The following ZBTB7C variants were observed in gnomAD, a reference collection of about 807,000 sequenced individuals.
ZBTB7C encodes the protein zinc finger and BTB domain-containing protein 7C.
A neutral mutation model predicts 25.7 loss-of-function variants in ZBTB7C; 8 were observed. The observed-to-expected ratio is 0.31, with a 90% CI of 0.18 to 0.56. ZBTB7C has a LOEUF of 0.56. Among genes scored for constraint, ZBTB7C ranks in the 20% least tolerant of loss-of-function variants. ZBTB7C has a pLI of 0.91. For missense variants in ZBTB7C, 824 were observed against 855.2 expected, an observed-to-expected ratio of 0.96 and a Z score of 0.46; for synonymous variants, 394 against 369.0, an observed-to-expected ratio of 1.07 and a Z score of -0.78.
intron 2 of ZBTB7C, among the ~76,000 whole-genome samples, chr18:48,191,157 G>A (rs2042184786): frequency 2.0e-5 from 3 of 152,152 alleles, no homozygotes; most frequent in African/African-American, 2.4e-5. Flanking sequence ...GGGTAGGAAC[G>A]GGCTGTGCTT....
intron 1 of ZBTB7C, among the ~76,000 whole-genome samples, chr18:48,343,372 CA>C (rs2046649860): frequency 6.6e-6 from 1 of 152,154 alleles, no homozygotes; most frequent in Non-Finnish European, 1.5e-5. Context: ...TGTCCCTGGG[CA>C]AATTCCTGCC....
intron 1 of ZBTB7C, among the ~76,000 whole-genome samples, chr18:48,341,975 AGGGCCATTGT>A (rs1232629183): frequency 1.3e-5 from 2 of 152,330 alleles, no homozygotes; most frequent in East Asian, 3.9e-4. Flanking sequence ...AAGGTCCATC[AGGGCCATTGT>A]GGGGCTCAGG....
chr18:48,085,413 T>A (rs1294763897), intron 3 of ZBTB7C, among the ~76,000 whole-genome samples: 2 of 152,144 alleles, frequency 1.3e-5, no homozygotes, highest in Non-Finnish European at 2.9e-5. Flanking sequence ...TAAGACATGA[T>A]TTTTTTCTGC....
chr18:48,144,504 T>C (rs1480157862), intron 3 of ZBTB7C, among the ~76,000 whole-genome samples: 1 of 151,830 alleles, frequency 6.6e-6, no homozygotes, highest in African/African-American at 2.4e-5. Flanking sequence ...CCACCATGCC[T>C]GGCTAATTTT....
At chr18:48,135,969 C>T (rs1416216722) in intron 3 of ZBTB7C, among the ~76,000 whole-genome samples, 2 of 152,206 alleles carry the variant, frequency 1.3e-5, no homozygotes, top group Non-Finnish European at 1.5e-5. Context: ...CGCCTGCCGG[C>T]ACAGACACAG....
At chr18:48,089,033 C>CT (rs2144536749) in intron 3 of ZBTB7C, among the ~76,000 whole-genome samples, 1 of 152,236 alleles carries the variant, frequency 6.6e-6, no homozygotes, top group Admixed American at 6.5e-5. Flanking sequence ...TGCATGCACC[C>CT]TCCCTGAGCC....
At chr18:48,133,336 C>T (rs974967888) in intron 3 of ZBTB7C, among the ~76,000 whole-genome samples, 1 of 152,172 alleles carries the variant, frequency 6.6e-6, no homozygotes. Flanking sequence ...ATGGAGGGGG[C>T]CTTCCAAATG....
chr18:48,320,315 C>A (rs2046058984), intron 2 of ZBTB7C, among the ~76,000 whole-genome samples: 1 of 152,112 alleles, frequency 6.6e-6, no homozygotes, highest in African/African-American at 2.4e-5. Flanking sequence ...TGGAACAGGT[C>A]ATTTGATTCT....
chr18:48,136,315 G>A (rs1217301922), intron 3 of ZBTB7C, among the ~76,000 whole-genome samples: 1 of 152,208 alleles, frequency 6.6e-6, no homozygotes, highest in East Asian at 1.9e-4. Context: ...TCGGGTGGGA[G>A]TGCTCCCCAT....
intron 2 of ZBTB7C, among the ~76,000 whole-genome samples, chr18:48,228,822 C>T (rs1175377539): frequency 4.6e-5 from 7 of 151,904 alleles, no homozygotes; most frequent in Non-Finnish European, 8.8e-5. Context: ...TGCACCCTTA[C>T]GCCCCCACTT....
chr18:48,073,819 C>T (rs2037649734), intron 3 of ZBTB7C, among the ~76,000 whole-genome samples: 1 of 152,090 alleles, frequency 6.6e-6, no homozygotes, highest in African/African-American at 2.4e-5. Context: ...GCCCTTGCTC[C>T]CCGAGTTTCT....
intron 3 of ZBTB7C, among the ~76,000 whole-genome samples, chr18:48,140,267 G>A (rs969637032): frequency 1.3e-5 from 2 of 152,220 alleles, no homozygotes; most frequent in African/African-American, 2.4e-5. Context: ...CTGCACACAC[G>A]TGCATAAAGA....
intron 2 of ZBTB7C, among the ~76,000 whole-genome samples, chr18:48,326,049 T>C (rs2046210931): frequency 6.6e-6 from 1 of 151,806 alleles, no homozygotes; most frequent in Non-Finnish European, 1.5e-5. Flanking sequence ...GGGAACAAAG[T>C]CTTGTTCACT....
At chr18:48,340,771 C>T (rs1270617416) in intron 1 of ZBTB7C, among the ~76,000 whole-genome samples, 5 of 152,226 alleles carry the variant, frequency 3.3e-5, no homozygotes. Flanking sequence ...ATTATCTGTG[C>T]TGTCAGCAAA....
intron 2 of ZBTB7C, among the ~76,000 whole-genome samples, chr18:48,288,377 C>T (rs919681428): frequency 4.6e-5 from 7 of 151,966 alleles, no homozygotes; most frequent in Admixed American, 1.3e-4. Flanking sequence ...GGCTGGGCAC[C>T]GTGGCTCACG....
chr18:48,182,597 T>G (rs1450687341), intron 3 of ZBTB7C, among the ~76,000 whole-genome samples: 2 of 152,068 alleles, frequency 1.3e-5, no homozygotes, highest in Non-Finnish European at 2.9e-5. Flanking sequence ...TGCTGACGGA[T>G]GACCTAGCTC....
chr18:48,325,813 G>T (rs1425533390), intron 2 of ZBTB7C, among the ~76,000 whole-genome samples: 1 of 152,134 alleles, frequency 6.6e-6, no homozygotes, highest in African/African-American at 2.4e-5. Flanking sequence ...CTTGTGGAGG[G>T]TCACTTAGTT....
intron 2 of ZBTB7C, among the ~76,000 whole-genome samples, chr18:48,269,921 C>A (rs1468104036): frequency 6.6e-5 from 10 of 152,018 alleles, no homozygotes; most frequent in Non-Finnish European, 1.2e-4. Context: ...GACAAATTCT[C>A]AGATTAAATA....
intron 3 of ZBTB7C, among the ~76,000 whole-genome samples, chr18:48,103,515 T>G (rs2038924482): frequency 1.3e-5 from 2 of 152,142 alleles, no homozygotes; most frequent in Admixed American, 1.3e-4. Context: ...GACAGCTGCT[T>G]TGGCAACTTG....
Sources: gnomAD v4.1 joint callset for allele counts (sites outside exome capture counted in the v4.1 genomes callset) on GRCh38, gnomAD v4.1.1 for gene constraint, MANE v1.5 for transcripts, NCBI Gene and HGNC (gene_info 2026-07-23, HGNC 2026-07-21) for gene names.